ASB11: variants seen among roughly 807,000 people sequenced by gnomAD.
ASB11 encodes the protein ankyrin repeat and SOCS box protein 11.
A neutral mutation model predicts 20.1 loss-of-function variants in ASB11; 17 were observed. The ratio of observed to expected loss-of-function variants is 0.85; its 90% confidence interval spans 0.58 to 1.27. ASB11 has a LOEUF of 1.27. Among genes scored for constraint, ASB11 ranks in the 50% most tolerant of loss-of-function variants. The pLI, the probability that ASB11 is intolerant of heterozygous loss-of-function variation, is 0.00. For missense variants in ASB11, 259 were observed against 256.9 expected, an observed-to-expected ratio of 1.01 and a Z score of -0.06; for synonymous variants, 107 against 105.6, an observed-to-expected ratio of 1.01 and a Z score of -0.08.
rs1480121850 is a variant in ASB11, at chrX:15,282,875, T to A, written c.*630A>T. ...TTTGAAAACATATATATATAAGCTT[T>A]ATACATATATTAAGGACTTTGAAAA... is the stretch of plus-strand genomic sequence containing the variant. On this transcript the variant is annotated 3_prime_UTR_variant, in exon 7 of 7. Transcript: ENST00000480796. 3.8e-5 allele frequency: 4 copies of A among 106,322 alleles called. No homozygotes were observed. Among genetic ancestry groups the A allele is most frequent in the Non-Finnish European group, 7.7e-5 (4 of 52,034 alleles). 8.8% of individuals were successfully genotyped at this position (106,322 alleles called of 1,213,427 possible). A position where few individuals can be genotyped will look rare whatever the true frequency, so the allele number is the denominator to read the frequency against.
Position 15,293,272 on chromosome X carries a change from A to G in ASB11, c.418T>C (p.Cys140Arg). The G allele has an allele frequency of 2.5e-6, 3 of 1,211,845 alleles. No individual in the cohort carries two copies. The highest frequency in any genetic ancestry group is 3.5e-5 in the South Asian group (2 of 56,981). The change falls in exon 4 of 7, where the codon TGC (cysteine) becomes CGC (arginine). Residue 140 changes from cysteine (C) to arginine (R), a missense_variant. By Grantham distance (180) the Cys-to-Arg change is radical (BLOSUM62 -3). Transcript: ENST00000480796. Reference sequence around the variant, plus strand: ...TTGACACATGCAGCACTGCCGCTGCAGCAAGCATTGAAGAGGGGTGTGGCT... The same window carrying G: ...TTGACACATGCAGCACTGCCGCTGCGGCAAGCATTGAAGAGGGGTGTGGCT... ...HGATPLFNAC[C>R]SGSAACVNVL...
chrX:15,297,171 A>G (rs1478000115), intron 3 of ASB11, among the ~76,000 whole-genome samples: 1 of 112,205 alleles, frequency 8.9e-6, no homozygotes, highest in Non-Finnish European at 1.9e-5. Context: ...GTGTGCCTGT[A>G]GTCCCAGCTG....
At chrX:15,310,606 C>G (rs958633911) in intron 1 of ASB11, among the ~76,000 whole-genome samples, 2 of 112,400 alleles carry the variant, frequency 1.8e-5, no homozygotes, top group African/African-American at 6.5e-5. Context: ...AAGTTCCAAC[C>G]ATTTGAGATA....
intron 1 of ASB11, chrX:15,314,423 C>T (rs368002578): frequency 1.4e-4 from 167 of 1,197,624 alleles, no homozygotes; most frequent in Non-Finnish European, 1.7e-4. Flanking sequence ...TTCCATGGTC[C>T]GGACCTTCTG....
At chrX:15,285,600 T>G (rs1194495385) in intron 6 of ASB11, among the ~76,000 whole-genome samples, 1 of 112,182 alleles carries the variant, frequency 8.9e-6, no homozygotes, top group African/African-American at 3.2e-5. Context: ...TAGTCTCTGC[T>G]AACAGTTGGA....
chrX:15,302,784 G>C lies in ASB11; in HGVS notation c.205C>G (p.Leu69Val). ...CGCCCCTGAGCTGCAGCTTCATGAA[G>C]TGGGGATCGATCAGCCCAGCAATCT... ...ISDCWADRSP[L>V]HEAAAQGRLL... is the part of the protein sequence containing the mutation. Residue 69 changes from leucine to valine, a missense_variant, in exon 2 of 7, where the codon CTT (leucine) becomes GTT (valine). Coordinates refer to ENST00000480796, the MANE Select transcript of ASB11 (RefSeq NM_080873.3). The C allele has an allele frequency of 8.3e-7, 1 of 1,211,007 alleles. No homozygotes were observed. The highest frequency in any genetic ancestry group is 1.1e-6 in the Non-Finnish European group (1 of 895,040).
At chrX:15,305,662 C>G (rs1432758461) in intron 1 of ASB11, among the ~76,000 whole-genome samples, 2 of 110,514 alleles carry the variant, frequency 1.8e-5, no homozygotes, top group Non-Finnish European at 3.8e-5. Flanking sequence ...ATCCCATACT[C>G]CTGATATGAA....
chrX:15,289,960 G>T (rs1173294634), intron 4 of ASB11: 1 of 195,364 alleles, frequency 5.1e-6, no homozygotes, highest in Non-Finnish European at 9.6e-6. Flanking sequence ...GGAGGAGGAG[G>T]TTACAGTGAG....
rs1305877197 is a variant in ASB11 at position 15,302,724 on chromosome X, T to C, written c.261+4A>G. ...ATGAAGGATCAAGTCTTCAGTTCAC[T>C]TACTTGTGCAATTAAAGTTTTAAGG... On this transcript the variant is annotated splice_donor_region_variant and intron_variant, in intron 2 of 6. Coordinates refer to ENST00000480796, the MANE Select transcript of ASB11 (RefSeq NM_080873.3). The C allele has an allele frequency of 8.4e-7, 1 of 1,194,309 alleles. No homozygotes were observed.
At chrX:15,314,477 A>T (rs1336061547) in intron 1 of ASB11, 1 of 1,201,911 alleles carries the variant, frequency 8.3e-7, no homozygotes, top group African/African-American at 1.8e-5. Context: ...TCCCCAGTTA[A>T]TTGAAGCATT....
chrX:15,309,917 G>A (rs1045485005), intron 1 of ASB11, among the ~76,000 whole-genome samples: 3 of 91,589 alleles, frequency 3.3e-5, no homozygotes, highest in African/African-American at 1.3e-4. Context: ...GCAGTGAGCC[G>A]AGATCGCGCC....
intron 2 of ASB11, among the ~76,000 whole-genome samples, chrX:15,302,202 C>T (rs1921089582): frequency 9.0e-6 from 1 of 111,369 alleles, no homozygotes; most frequent in Non-Finnish European, 1.9e-5. Context: ...AGATCCTGCC[C>T]GCCTTGAGCC....
At position 15,309,967 on chromosome X, in the gene ASB11, CAAAAAAAAAAAA is replaced by C. The variant is rs60765469; in HGVS notation, c.181+5446_181+5457del. On this transcript the variant is annotated intron_variant, in intron 1 of 6. Transcript: ENST00000480796. ...TGGGCGACAGAGCAAGACTCCGTCT[CAAAAAAAAAAAA>C]AAAAAAAAAAAAGTAGAAGTCCTTT... Among the ~76,000 whole-genome samples, 2 of 15,529 alleles carry C rather than the reference CAAAAAAAAAAAA, an allele frequency of 1.3e-4. 1 individual carries two copies. The highest frequency in any genetic ancestry group is 3.9e-3 in the East Asian group (2 of 512). The allele number at this position is 15,529 out of a possible 115,157, so 13.5% of individuals were successfully genotyped here.
intron 6 of ASB11, among the ~76,000 whole-genome samples, chrX:15,285,036 G>C (rs1222674723): frequency 1.8e-5 from 2 of 110,919 alleles, no homozygotes; most frequent in Non-Finnish European, 3.8e-5. Context: ...TTTACCTGTT[G>C]TCCTACTTAA....
chrX:15,304,337 G>T (rs1306808639), intron 1 of ASB11, among the ~76,000 whole-genome samples: 1 of 112,507 alleles, frequency 8.9e-6, no homozygotes, highest in African/African-American at 3.2e-5. Context: ...TCACCCTTTG[G>T]GTTCTGAAAA....
intron 1 of ASB11, among the ~76,000 whole-genome samples, chrX:15,313,901 A>C (rs1436533186): frequency 9.1e-6 from 1 of 110,094 alleles, no homozygotes; most frequent in African/African-American, 3.3e-5. Flanking sequence ...AATACAAAAA[A>C]ATTAGCTGGG....
intron 1 of ASB11, among the ~76,000 whole-genome samples, chrX:15,304,802 G>A (rs1354226579): frequency 8.9e-6 from 1 of 111,870 alleles, no homozygotes; most frequent in African/African-American, 3.3e-5. Flanking sequence ...TTGAACCCGG[G>A]AGGCAGAGGT....
Position 15,287,962 on chromosome X carries a change from G to A in ASB11, c.766C>T (p.Arg256Cys), listed in dbSNP as rs1007517047. The A allele has an allele frequency of 1.7e-6, 2 of 1,211,804 alleles. No individual in the cohort carries two copies. The highest frequency in any genetic ancestry group is 3.0e-5 in the East Asian group (1 of 33,830). The change falls in exon 6 of 7, where the codon CGT (arginine) becomes TGT (cysteine). Residue 256 changes from arginine to cysteine, a missense_variant. By Grantham distance (180) the Arg-to-Cys change is radical. Transcript: ENST00000480796. Reference sequence around the variant, plus strand: ...GCACTTTTGCCCTGAGCATTTCTACGCTTCAGGTTAGCTCCATAGTCGGTT... The same window carrying A: ...GCACTTTTGCCCTGAGCATTTCTACACTTCAGGTTAGCTCCATAGTCGGTT... Reference protein sequence around the residue: ...LLTDYGANLKRRNAQGKSALD... With the variant: ...LLTDYGANLKCRNAQGKSALD...
chrX:15,289,821 C>A, intron 4 of ASB11, 183 bp from the exon 5 acceptor site: 1 of 373,966 alleles, frequency 2.7e-6, no homozygotes, highest in Non-Finnish European at 4.5e-6. Flanking sequence ...GTCAGGAGTT[C>A]GAGACCAGCC....
Sources: allele counts gnomAD v4.1 joint callset (sites outside exome capture counted in the v4.1 genomes callset), GRCh38; gene constraint gnomAD v4.1.1; transcripts MANE v1.5; gene names NCBI Gene and HGNC (gene_info 2026-07-23, HGNC 2026-07-21).